The following CACNA1E variants were observed in gnomAD, a reference collection of about 807,000 sequenced individuals.
The protein encoded by CACNA1E is calcium voltage-gated channel subunit alpha1 E.
In CACNA1E, 40 loss-of-function variants were observed where a neutral mutation model predicts 259.2. The observed-to-expected ratio is 0.15, with a 90% CI of 0.12 to 0.20. CACNA1E has a LOEUF of 0.20. CACNA1E is among the 10% of genes least tolerant of loss of function. The pLI is 1.00. For synonymous variants in CACNA1E, 1,104 were observed against 1,138.5 expected (o/e 0.97, Z 0.61); for missense variants, 1,874 against 3,040.1 (o/e 0.62, Z 9.02).
intron 6 of CACNA1E, among the ~76,000 whole-genome samples, chr1:181,586,516 A>G (rs957289388): frequency 1.3e-5 from 2 of 152,186 alleles, no homozygotes; most frequent in Non-Finnish European, 2.9e-5. Context: ...AAGGAGCAGT[A>G]GGGAGGTGAG....
intron 7 of CACNA1E, among the ~76,000 whole-genome samples, chr1:181,669,186 A>G (rs1558246508): frequency 6.6e-6 from 1 of 152,212 alleles, no homozygotes; most frequent in Non-Finnish European, 1.5e-5. Flanking sequence ...GCAGTTAAAG[A>G]CTTTAAAACA....
At chr1:181,544,141 A>G (rs941871171) in intron 3 of CACNA1E, among the ~76,000 whole-genome samples, 4 of 152,236 alleles carry the variant, frequency 2.6e-5, no homozygotes, top group Non-Finnish European at 1.5e-5. Context: ...GAAAAGCAAC[A>G]AAGTACTGAT....
At chr1:181,388,256 G>A (rs995568441) in intron 1 of CACNA1E, among the ~76,000 whole-genome samples, 3 of 152,176 alleles carry the variant, frequency 2.0e-5, no homozygotes, top group Admixed American at 6.5e-5. Flanking sequence ...CCTTATCTGC[G>A]GTAACGTTCT....
intron 7 of CACNA1E, among the ~76,000 whole-genome samples, chr1:181,684,611 G>A (rs1363494078): frequency 1.3e-5 from 2 of 152,100 alleles, no homozygotes; most frequent in East Asian, 1.9e-4. Context: ...ATAGTTTTAA[G>A]TTTTTCATTT....
chr1:181,359,660 TA>T (rs1653715929), intron 1 of CACNA1E, among the ~76,000 whole-genome samples: 1 of 152,178 alleles, frequency 6.6e-6, no homozygotes, highest in East Asian at 1.9e-4. Flanking sequence ...GTGTGGGTGA[TA>T]GGGGGTTTTA....
At chr1:181,670,988 C>T (rs992443315) in intron 7 of CACNA1E, among the ~76,000 whole-genome samples, 1 of 152,160 alleles carries the variant, frequency 6.6e-6, no homozygotes, top group African/African-American at 2.4e-5. Context: ...AGAAATACTT[C>T]TTTGATCACT....
chr1:181,466,267 G>A (rs1052455164), intron 2 of CACNA1E, among the ~76,000 whole-genome samples: 3 of 152,182 alleles, frequency 2.0e-5, no homozygotes, highest in African/African-American at 7.2e-5. Context: ...ATTAGGCTGG[G>A]CATGGTGGCT....
At chr1:181,580,863 G>C in intron 6 of CACNA1E, 87 bp downstream of exon 6, 1 of 1,170,778 alleles carries the variant, frequency 8.5e-7, no homozygotes, top group Non-Finnish European at 1.2e-6. Flanking sequence ...CTAGTCCGGG[G>C]ACAGGGAGGG....
chr1:181,617,363 A>G (rs1655318459), intron 6 of CACNA1E, among the ~76,000 whole-genome samples: 1 of 151,960 alleles, frequency 6.6e-6, no homozygotes, highest in Non-Finnish European at 1.5e-5. Context: ...TAGCTGGAAC[A>G]TCCTAAGTCT....
chr1:181,401,941 C>A (rs1350538091), intron 1 of CACNA1E, among the ~76,000 whole-genome samples: 2 of 152,294 alleles, frequency 1.3e-5, no homozygotes, highest in East Asian at 3.9e-4. Flanking sequence ...TTTTCATCTC[C>A]AATGAAGAGC....
At chr1:181,453,381 A>G (rs542572797) in intron 2 of CACNA1E, among the ~76,000 whole-genome samples, 5 of 152,276 alleles carry the variant, frequency 3.3e-5, no homozygotes, top group African/African-American at 1.2e-4. Context: ...TCCTCTTCTT[A>G]AATATTTATT....
intron 7 of CACNA1E, among the ~76,000 whole-genome samples, chr1:181,673,972 C>A (rs148124680): frequency 6.6e-6 from 1 of 152,170 alleles, no homozygotes; most frequent in Non-Finnish European, 1.5e-5. Flanking sequence ...TGTTCAGTTC[C>A]CCAGCCACAC....
At chr1:181,618,947 A>G (rs1004189852) in intron 6 of CACNA1E, among the ~76,000 whole-genome samples, 9 of 152,254 alleles carry the variant, frequency 5.9e-5, no homozygotes, top group Non-Finnish European at 1.2e-4. Flanking sequence ...ATTCATAGAT[A>G]CATGATAACA....
intron 2 of CACNA1E, among the ~76,000 whole-genome samples, chr1:181,454,401 C>A (rs1341689590): frequency 6.6e-6 from 1 of 152,170 alleles, no homozygotes; most frequent in African/African-American, 2.4e-5. Flanking sequence ...AGGGACCTTT[C>A]AATATAATCT....
chr1:181,752,926 C>T (rs999688903), intron 27 of CACNA1E, among the ~76,000 whole-genome samples: 17 of 152,220 alleles, frequency 1.1e-4, no homozygotes, highest in Non-Finnish European at 2.9e-5. Context: ...GCTTCCTGCA[C>T]TCTATCACAC....
At chr1:181,607,086 G>T (rs755460239) in intron 6 of CACNA1E, among the ~76,000 whole-genome samples, 53 of 152,074 alleles carry the variant, frequency 3.5e-4, no homozygotes, top group Non-Finnish European at 7.1e-4. Flanking sequence ...GGCCATGTCT[G>T]TCCTGTTCAC....
At chr1:181,457,813 G>A (rs181595774) in intron 2 of CACNA1E, among the ~76,000 whole-genome samples, 8 of 152,258 alleles carry the variant, frequency 5.3e-5, no homozygotes, top group African/African-American at 1.4e-4. Context: ...TGTGGTTTGC[G>A]CATGACAAAA....
chr1:181,748,415 A>T (rs1482034956), intron 25 of CACNA1E, among the ~76,000 whole-genome samples: 2 of 152,214 alleles, frequency 1.3e-5, no homozygotes, highest in East Asian at 3.8e-4. Flanking sequence ...TATATCCTTT[A>T]TCCAGGTGTG....
intron 46 of CACNA1E, among the ~76,000 whole-genome samples, chr1:181,796,413 C>CA (rs1465893907): frequency 6.6e-6 from 1 of 152,180 alleles, no homozygotes; most frequent in Non-Finnish European, 1.5e-5. Flanking sequence ...AGACAGGAAG[C>CA]AAGCACTCTC....
Sources: gnomAD v4.1 joint callset for allele counts (sites outside exome capture counted in the v4.1 genomes callset) on GRCh38, gnomAD v4.1.1 for gene constraint, MANE v1.5 for transcripts, NCBI Gene and HGNC (gene_info 2026-07-23, HGNC 2026-07-21) for gene names.